Variants in PARP4 observed in about 807,000 individuals in gnomAD.
PARP4 encodes the protein poly(ADP-ribose) polymerase family member 4, also known as protein mono-ADP-ribosyltransferase PARP4.
A neutral mutation model predicts 187.7 loss-of-function variants in PARP4; 120 were observed. That is an observed-to-expected ratio of 0.64 (90% CI 0.55 to 0.74). PARP4 has a LOEUF of 0.74. Ranked by LOEUF, PARP4 falls within the 30% of genes least tolerant of loss-of-function variation. PARP4 has a pLI of 0.00. For missense variants in PARP4, 1,836 were observed against 2,070.5 expected (o/e 0.89, Z 2.20); for synonymous variants, 654 against 740.9 (o/e 0.88, Z 1.90).
At chr13:24,506,901 T>C (rs1164092949) in intron 1 of PARP4, among the ~76,000 whole-genome samples, 1 of 152,182 alleles carries the variant, frequency 6.6e-6, no homozygotes, top group Non-Finnish European at 1.5e-5. Context: ...AGGAGCCAAC[T>C]GAGGCGGGAG....
At chr13:24,465,016 G>A (rs906458466) in intron 17 of PARP4, among the ~76,000 whole-genome samples, 3 of 152,108 alleles carry the variant, frequency 2.0e-5, no homozygotes, top group Non-Finnish European at 4.4e-5. Context: ...AGACATTTAT[G>A]TGGCAAAAAA....
chr13:24,452,543 A>G lies in PARP4; in HGVS notation c.2877T>C (p.Tyr959=). ...CTCGAGCAGGGTACAATAAGCTAAG[A>G]TATCGGAGTGTTTTCCAGAAGTCTG... ...GNTDFWKTLR[Y]LSLLYPARGS... is the part of the protein sequence containing the mutation. The change falls in exon 24 of 34, where the codon TAT becomes TAC. Residue 959 remains tyrosine (Y), a synonymous_variant. Coordinates refer to ENST00000381989, the MANE Select transcript of PARP4 (RefSeq NM_006437.4). 6.2e-7 allele frequency: 1 copy of G among 1,614,092 alleles called. No individual in the cohort carries two copies.
Position 24,500,316 on chromosome 13 carries a change from T to A in PARP4, c.401A>T (p.Glu134Val). The change falls in exon 4 of 34, where the codon GAG becomes GTG. Residue 134 changes from glutamate to valine, a missense_variant and splice_region_variant. Coordinates refer to ENST00000381989, the MANE Select transcript of PARP4 (RefSeq NM_006437.4). ...CAGGAATCAGAAAGAAGTAAATTAC[T>A]CAGTGAGTTCCACAGTGTCTTCCTC... ...TEEEDTVELT[E>V]FGMQNVEIPH... 1.3e-6 allele frequency: 2 copies of A among 1,569,936 alleles called. No individual in the cohort carries two copies. The highest frequency in any genetic ancestry group is 1.7e-6 in the Non-Finnish European group (2 of 1,149,748).
chr13:24,434,528 A>G lies in PARP4; in HGVS notation c.4613T>C (p.Leu1538Ser), dbSNP rs1565987896. The change falls in exon 31 of 34, where the codon TTA (leucine) becomes TCA (serine). Residue 1538 changes from leucine to serine, a missense_variant. By Grantham distance (145) the Leu-to-Ser change is moderately radical. This residue lies in a region of PARP4 where 450 missense variants were observed against 439.2 expected (regional missense o/e 1.02). Coordinates refer to ENST00000381989, the MANE Select transcript of PARP4 (RefSeq NM_006437.4). ...ATCTTTTGTATCACATTTTATTTGTAAAAAGCAGCTGTCTTGAAGTACTTC... is the reference window on the plus strand; with the variant it reads ...ATCTTTTGTATCACATTTTATTTGTGAAAAGCAGCTGTCTTGAAGTACTTC... ...LSEVLQDSCF[L>S]QIKCDTKDDS... is the part of the protein sequence containing the mutation. 3 of 1,613,934 alleles carry G rather than the reference A, an allele frequency of 1.9e-6. No individual in the cohort carries two copies. The South Asian group carries it at 3.3e-5, about 18-fold the overall frequency.
chr13:24,431,685 T>C (rs1870344827), intron 31 of PARP4, among the ~76,000 whole-genome samples: 1 of 152,220 alleles, frequency 6.6e-6, no homozygotes, highest in Non-Finnish European at 1.5e-5. Flanking sequence ...AATAAAACTT[T>C]AACAAATTAA....
intron 2 of PARP4, 116 bp from the exon 3 acceptor site, chr13:24,501,950 C>T (rs1466054412): frequency 8.9e-6 from 6 of 672,048 alleles, no homozygotes; most frequent in Admixed American, 3.0e-5. Context: ...GATAATCTTT[C>T]TCAAATTTCG....
At position 24,503,646 on chromosome 13, in the gene PARP4, T is replaced by G; in HGVS notation, c.131A>C (p.Gln44Pro). 6.2e-7 allele frequency: 1 copy of G among 1,612,388 alleles called. No homozygotes were observed. Among genetic ancestry groups the G allele is most frequent in the Non-Finnish European group, 8.5e-7 (1 of 1,179,840 alleles). Residue 44 changes from glutamine (Q) to proline (P), a missense_variant and splice_region_variant, in exon 2 of 34, where the codon CAG (glutamine) becomes CCG (proline). This residue lies in a region of PARP4 where 1,147 missense variants were observed against 1,214.2 expected (regional missense o/e 0.94). Transcript: ENST00000381989. ...GTAGTTTATGACACTTGGAAATACC[T>G]GAGGATTTAACGAAAAGGAAAACTT... ...GGKFSFSLNP[Q>P]CTHIILDNAD... is the part of the protein sequence containing the mutation.
At position 24,492,590 on chromosome 13, in the gene PARP4, C is replaced by G; in HGVS notation, c.884G>C (p.Ser295Thr). The change falls in exon 9 of 34, where the codon AGC (serine) becomes ACC (threonine). Residue 295 changes from serine to threonine, a missense_variant. Physicochemically the swap from Ser to Thr is moderately conservative, Grantham distance 58 (BLOSUM62 1). Around this residue, in one of 8 missense-constraint regions of PARP4, gnomAD observed 1,147 missense variants for 1,214.2 expected, o/e 0.94. Transcript: ENST00000381989. Reference sequence around the variant, plus strand: ...TAGAAGGAGAATCCCCTCTGCCTTGCTCACCTTTCAACAGATCATATATGC... The same window carrying G: ...TAGAAGGAGAATCCCCTCTGCCTTGGTCACCTTTCAACAGATCATATATGC... ...PVNRISLNDV[S>T]KAEGILLLVK... The G allele has an allele frequency of 6.2e-7, 1 of 1,613,278 alleles. No homozygotes were observed. The highest frequency in any genetic ancestry group is 8.5e-7 in the Non-Finnish European group (1 of 1,179,376).
chr13:24,499,192 C>A, intron 5 of PARP4, 109 bp downstream of exon 5: 4 of 1,170,610 alleles, frequency 3.4e-6, no homozygotes, highest in South Asian at 4.1e-5. Context: ...TCAGGATATG[C>A]ATAATTTTTC....
chr13:24,421,529 T>G (rs1869745231), intron 33 of PARP4, among the ~76,000 whole-genome samples: 1 of 152,298 alleles, frequency 6.6e-6, no homozygotes, highest in African/African-American at 2.4e-5. Context: ...CGCCACCTCC[T>G]GGCTTCCACG....
At chr13:24,475,148 C>G (rs1872919914) in intron 15 of PARP4, among the ~76,000 whole-genome samples, 1 of 152,198 alleles carries the variant, frequency 6.6e-6, no homozygotes, top group Non-Finnish European at 1.5e-5. Flanking sequence ...CAGCTCCTAT[C>G]TGTGAAAGCA....
chr13:24,469,061 T>C lies in PARP4; in HGVS notation c.2096A>G (p.Gln699Arg). ...AQQEYLEAVT[Q>R]GHGAYLMSQD... ...ACTCATCAGGTAAGCGCCATGGCCC[T>C]GGGTCACGGCTTCTAGGTACTCTTG... Residue 699 changes from glutamine (Q) to arginine (R), a missense_variant, in exon 17 of 34, where the codon CAG becomes CGG. Gln to Arg is a conservative substitution (Grantham distance 43). This residue lies in a region of PARP4 where 1,147 missense variants were observed against 1,214.2 expected (regional missense o/e 0.94). Transcript: ENST00000381989. 2.5e-6 allele frequency: 4 copies of C among 1,614,020 alleles called. No individual in the cohort carries two copies. The highest frequency in any genetic ancestry group is 3.4e-6 in the Non-Finnish European group (4 of 1,179,862).
intron 1 of PARP4, among the ~76,000 whole-genome samples, chr13:24,511,494 G>A (rs999392598): frequency 6.6e-6 from 1 of 152,160 alleles, no homozygotes; most frequent in African/African-American, 2.4e-5. Context: ...CCCAAAGACA[G>A]CAGGGAACAG....
chr13:24,509,634 T>G (rs888524618), intron 1 of PARP4, among the ~76,000 whole-genome samples: 1 of 152,214 alleles, frequency 6.6e-6, no homozygotes, highest in Non-Finnish European at 1.5e-5. Context: ...ATACATATTA[T>G]GGGTCAATAA....
Position 24,503,663 on chromosome 13 carries a change from G to C in PARP4, c.114C>G (p.Ser38=). The change falls in exon 2 of 34, where the codon TCC becomes TCG. Residue 38 remains serine (S), a synonymous_variant. Coordinates refer to ENST00000381989, the MANE Select transcript of PARP4 (RefSeq NM_006437.4). The part of the protein sequence containing the change: ...TDIKENGGKF[S]FSLNPQCTHI... ...GAAATACCTGAGGATTTAACGAAAA[G>C]GAAAACTTTCCGCCATTTTCCTTAA... 1 of 1,612,992 alleles carries C rather than the reference G, an allele frequency of 6.2e-7. No individual in the cohort carries two copies. Among genetic ancestry groups the C allele is most frequent in the Non-Finnish European group, 8.5e-7 (1 of 1,179,900 alleles).
chr13:24,452,274 G>A (rs1053185479), intron 24 of PARP4, 132 bp downstream of exon 24: 78 of 693,576 alleles, frequency 1.1e-4, no homozygotes, highest in Non-Finnish European at 1.7e-4. Context: ...TGGGAGCCCG[G>A]AGCCCCATCC....
chr13:24,480,873 A>C (rs1873242050), intron 12 of PARP4, among the ~76,000 whole-genome samples: 1 of 152,266 alleles, frequency 6.6e-6, no homozygotes, highest in South Asian at 2.1e-4. Flanking sequence ...CAGAAGATCT[A>C]GCTAAGATCA....
intron 3 of PARP4, among the ~76,000 whole-genome samples, chr13:24,500,679 G>A (rs892219851): frequency 1.3e-5 from 2 of 152,206 alleles, no homozygotes; most frequent in Non-Finnish European, 2.9e-5. Context: ...AGTACAAAGT[G>A]CACAGGATCA....
rs1011622597 is a variant in PARP4, at chr13:24,421,950, T to C, written c.4980-636A>G. 1.8e-4 allele frequency among the ~76,000 whole-genome samples: 27 copies of C among 152,248 alleles called. 1 individual carries two copies. The highest frequency in any genetic ancestry group is 5.8e-4 in the African/African-American group (24 of 41,466). On this transcript the variant is annotated intron_variant, in intron 33 of 33. Coordinates refer to ENST00000381989, the MANE Select transcript of PARP4 (RefSeq NM_006437.4). Reference sequence around the variant, plus strand: ...AGCTACTTCCTCATTTGTTCTGTCATCTGCTAGAACTTGTTAGTGAACAAG... The same window carrying C: ...AGCTACTTCCTCATTTGTTCTGTCACCTGCTAGAACTTGTTAGTGAACAAG...
Sources: allele counts gnomAD v4.1 joint callset (sites outside exome capture counted in the v4.1 genomes callset), GRCh38; gene constraint gnomAD v4.1.1; regional missense constraint gnomAD v4.1.1; transcripts MANE v1.5; gene names NCBI Gene and HGNC (gene_info 2026-07-23, HGNC 2026-07-21).